Variants in C5orf63 observed in about 807,000 individuals in gnomAD.
The protein encoded by C5orf63 is chromosome 5 open reading frame 63.
C5orf63 carries 18 observed loss-of-function variants against 13.3 expected under a neutral mutation model. That is an observed-to-expected ratio of 1.36 (90% CI 0.94 to 2.01). The LOEUF (loss-of-function observed/expected upper bound fraction) is 2.01, where lower values mean the gene tolerates loss of function less well. Among genes scored for constraint, C5orf63 ranks in the 30% most tolerant of loss-of-function variants. C5orf63 has a pLI of 0.00. For synonymous variants in C5orf63, 38 were observed against 44.7 expected (o/e 0.85, Z 0.60); for missense variants, 118 against 127.7 (o/e 0.92, Z 0.36).
chr5:127,050,974 T>C (rs1047142617), downstream of C5orf63, among the ~76,000 whole-genome samples: 1 of 152,236 alleles, frequency 6.6e-6, no homozygotes, highest in Non-Finnish European at 1.5e-5. Flanking sequence ...AAGAGTATTT[T>C]ATCTTTAGAT....
intron 1 of C5orf63, among the ~76,000 whole-genome samples, chr5:127,072,716 A>G (rs780985878): frequency 3.9e-5 from 6 of 152,222 alleles, no homozygotes; most frequent in Admixed American, 1.3e-4. Flanking sequence ...AGATCACCCA[A>G]GCAAAACATT....
At chr5:127,052,544 C>A in intron 4 of C5orf63, 69 bp downstream of exon 4, 1 of 1,066,050 alleles carries the variant, frequency 9.4e-7, no homozygotes, top group Non-Finnish European at 1.2e-6. Context: ...AGGAAGGATC[C>A]AGGCAGATAC....
intron 2 of C5orf63, among the ~76,000 whole-genome samples, chr5:127,070,449 G>A (rs1166945163): frequency 1.3e-5 from 2 of 152,182 alleles, no homozygotes; most frequent in Non-Finnish European, 2.9e-5. Flanking sequence ...GATTTCTGCT[G>A]CAATCCCATT....
intron 2 of C5orf63, among the ~76,000 whole-genome samples, chr5:127,062,894 A>G (rs73339263): frequency 0.031 from 4,682 of 152,244 alleles, 93 homozygotes; most frequent in African/African-American, 0.048. Flanking sequence ...CTTACTACAC[A>G]CACAGACATG....
At chr5:127,053,374 AT>A (rs1441641227) in intron 3 of C5orf63, among the ~76,000 whole-genome samples, 5 of 149,878 alleles carry the variant, frequency 3.3e-5, no homozygotes, top group Non-Finnish European at 5.9e-5. Context: ...ATTTTATTTT[AT>A]TTTTTTCCCA....
downstream of C5orf63, chr5:127,044,701 C>T (rs1753482822): frequency 6.6e-6 from 1 of 151,738 alleles, no homozygotes; most frequent in African/African-American, 2.4e-5. Flanking sequence ...ACTTTTGAGG[C>T]CTCTGAACTC....
At chr5:127,054,698 C>CT (rs2126885056) in intron 3 of C5orf63, among the ~76,000 whole-genome samples, 1 of 152,300 alleles carries the variant, frequency 6.6e-6, no homozygotes, top group East Asian at 1.9e-4. Flanking sequence ...TCTGTTCACT[C>CT]TGATGGTAGT....
Position 127,054,253 on chromosome 5 carries a change from T to C in C5orf63, c.115-1584A>G, listed in dbSNP as rs144219934. On this transcript the variant is annotated intron_variant, in intron 3 of 4. Coordinates refer to ENST00000296662, the MANE Select transcript of C5orf63 (RefSeq NM_001164478.2). ...TGTATATATTTTTATATATACACAG[T>C]AATAGGATCACTGGGTCAAATGGTA... Among the ~76,000 whole-genome samples the C allele has an allele frequency of 2.6e-3, 393 of 152,304 alleles. 2 individuals carry two copies. The highest frequency in any genetic ancestry group is 7.0e-3 in the African/African-American group (289 of 41,558).
At chr5:127,048,289 A>T (rs998679072), downstream of C5orf63, among the ~76,000 whole-genome samples, 1 of 143,506 alleles carries the variant, frequency 7.0e-6, no homozygotes, top group Non-Finnish European at 1.5e-5. Flanking sequence ...ACACACACAC[A>T]CAAACTTACT....
At position 127,052,424 on chromosome 5, in the gene C5orf63, C is replaced by G. The variant is rs146453635; in HGVS notation, c.171+189G>C. ...CCAGAGTAAGAAAACCAGTACTGCTCAGAGGAAAACACTTAGGTGTAATGA... is the reference window on the plus strand; with the variant it reads ...CCAGAGTAAGAAAACCAGTACTGCTGAGAGGAAAACACTTAGGTGTAATGA... On this transcript the variant is annotated intron_variant, in intron 4 of 4. Coordinates refer to ENST00000296662, the MANE Select transcript of C5orf63 (RefSeq NM_001164478.2). 820 of 424,336 alleles carry G rather than the reference C, an allele frequency of 1.9e-3. 6 individuals carry two copies. Among genetic ancestry groups the G allele is most frequent in the Middle Eastern group, 0.017 (41 of 2,472 alleles). The allele number at this position is 424,336 out of a possible 1,614,324, so 26.3% of individuals were successfully genotyped here.
Position 127,051,509 on chromosome 5 carries a change from A to T in C5orf63, c.*262T>A, listed in dbSNP as rs890942605. 2.2e-5 allele frequency: 27 copies of T among 1,237,490 alleles called. No homozygotes were observed. In the Admixed American group the frequency reaches 4.1e-4, roughly 19 times the overall value. The allele number at this position is 1,237,490 out of a possible 1,614,324, so 76.7% of individuals were successfully genotyped here. A position where few individuals can be genotyped will look rare whatever the true frequency, so the allele number is the denominator to read the frequency against. ...TCTATTAATACAAAAAGGATAAATA[A>T]GACAAATGGACTTCTCCCTCCCTCC... is the stretch of plus-strand genomic sequence containing the variant. On this transcript the variant is annotated 3_prime_UTR_variant, in exon 5 of 5. Coordinates refer to ENST00000296662, the MANE Select transcript of C5orf63 (RefSeq NM_001164478.2).
At chr5:127,048,417 T>C (rs1325094656), downstream of C5orf63, among the ~76,000 whole-genome samples, 2 of 152,172 alleles carry the variant, frequency 1.3e-5, no homozygotes, top group African/African-American at 4.8e-5. Flanking sequence ...GCTATGTTCT[T>C]CTTACCCAAG....
intron 2 of C5orf63, among the ~76,000 whole-genome samples, chr5:127,067,848 G>A (rs943970500): frequency 3.9e-5 from 6 of 152,162 alleles, no homozygotes; most frequent in Non-Finnish European, 5.9e-5. Flanking sequence ...CTTGTTCCAA[G>A]TGGTTCTGAG....
chr5:127,069,512 T>C (rs1252591303), intron 2 of C5orf63, among the ~76,000 whole-genome samples: 1 of 152,234 alleles, frequency 6.6e-6, no homozygotes, highest in Non-Finnish European at 1.5e-5. Context: ...TTTCAATTTA[T>C]CTTGTCAAAG....
chr5:127,069,608 T>C (rs1452626169), intron 2 of C5orf63, among the ~76,000 whole-genome samples: 1 of 152,202 alleles, frequency 6.6e-6, no homozygotes, highest in Non-Finnish European at 1.5e-5. Flanking sequence ...CTTTGGACAT[T>C]GAGTTGCTAA....
intron 2 of C5orf63, among the ~76,000 whole-genome samples, chr5:127,060,237 C>T (rs1450277269): frequency 1.3e-5 from 2 of 152,150 alleles, no homozygotes; most frequent in Non-Finnish European, 2.9e-5. Context: ...AAAATCTACT[C>T]AACTCCTTAA....
intron 2 of C5orf63, among the ~76,000 whole-genome samples, chr5:127,062,513 C>A (rs575130970): frequency 6.6e-6 from 1 of 152,264 alleles, no homozygotes; most frequent in East Asian, 1.9e-4. Context: ...TATACCTCTT[C>A]TAGGCAGATA....
At chr5:127,054,472 TTC>T (rs1186007852) in intron 3 of C5orf63, among the ~76,000 whole-genome samples, 1 of 152,236 alleles carries the variant, frequency 6.6e-6, no homozygotes, top group Non-Finnish European at 1.5e-5. Flanking sequence ...TGATTTGCAT[TTC>T]TCTGATGGCC....
chr5:127,070,656 A>G (rs1343337117), intron 2 of C5orf63, among the ~76,000 whole-genome samples: 2 of 152,244 alleles, frequency 1.3e-5, no homozygotes, highest in East Asian at 3.8e-4. Context: ...TCTATCCTTA[A>G]GGCAAGACCA....
Sources: allele counts gnomAD v4.1 joint callset (sites outside exome capture counted in the v4.1 genomes callset), GRCh38; gene constraint gnomAD v4.1.1; transcripts MANE v1.5; gene names NCBI Gene and HGNC (gene_info 2026-07-23, HGNC 2026-07-21).